EYS: variants seen among roughly 807,000 people sequenced by gnomAD.
The protein encoded by EYS is protein eyes shut homolog.
A neutral mutation model predicts 282.1 loss-of-function variants in EYS; 250 were observed. That is an observed-to-expected ratio of 0.89 (90% confidence interval 0.80 to 0.98). The LOEUF (loss-of-function observed/expected upper bound fraction) is 0.98, where lower values mean the gene tolerates loss of function less well. EYS is among the 50% of genes least tolerant of loss of function. EYS has a pLI of 0.00. For missense variants in EYS, 4,016 were observed against 3,709.0 expected (o/e 1.08, Z -2.15); for synonymous variants, 1,355 against 1,282.9 (o/e 1.06, Z -1.20).
At chr6:65,168,214 A>C (rs2150225717) in intron 12 of EYS, among the ~76,000 whole-genome samples, 1 of 151,348 alleles carries the variant, frequency 6.6e-6, no homozygotes, top group Non-Finnish European at 1.5e-5. Flanking sequence ...CTTATATAAA[A>C]AGTAAATATT....
At chr6:65,466,188 C>T (rs1044792212) in intron 5 of EYS, among the ~76,000 whole-genome samples, 6 of 151,868 alleles carry the variant, frequency 4.0e-5, no homozygotes, top group Non-Finnish European at 8.8e-5. Context: ...AATACCACCA[C>T]TAAAACCAAG....
rs181108975 is a variant in EYS at position 65,198,735 on chromosome 6, G to A, written c.2023+97128C>T. 1.3e-3 allele frequency among the ~76,000 whole-genome samples: 200 copies of A among 152,252 alleles called. 2 individuals carry two copies. Among genetic ancestry groups the A allele is most frequent in the African/African-American group, 4.5e-3 (187 of 41,564 alleles). On this transcript the variant is annotated intron_variant, in intron 12 of 42. Transcript: ENST00000503581. ...GAAAAATGTATTTTCATGGAAGTGAGTAGCAAGAATGACATTTTGGAAAGC... is the reference window on the plus strand; with the variant it reads ...GAAAAATGTATTTTCATGGAAGTGAATAGCAAGAATGACATTTTGGAAAGC...
rs1202933401 is a variant in EYS at position 65,405,449 on chromosome 6, C to A, written c.863-82G>T. ...GAGCATAGATATGTAGCAAAACATT[C>A]TAGAAAATTTCTCTAGAGTTTATGA... On this transcript the variant is annotated intron_variant, in intron 5 of 42. Coordinates refer to ENST00000503581, the MANE Select transcript of EYS (RefSeq NM_001142800.2). 3.6e-6 allele frequency: 4 copies of A among 1,106,518 alleles called. No homozygotes were observed. The East Asian group carries it at 9.4e-5, about 26-fold the overall frequency. The allele number at this position is 1,106,518 out of a possible 1,614,324, so 68.5% of individuals were successfully genotyped here.
At chr6:64,533,849 G>A (rs938949340) in intron 26 of EYS, among the ~76,000 whole-genome samples, 6 of 151,598 alleles carry the variant, frequency 4.0e-5, no homozygotes, top group Admixed American at 6.6e-5. Context: ...ATATGCATAT[G>A]TATTTAACAT....
At chr6:64,045,810 T>C (rs879669267) in intron 33 of EYS, among the ~76,000 whole-genome samples, 12 of 150,356 alleles carry the variant, frequency 8.0e-5, no homozygotes, top group Admixed American at 4.0e-4. Flanking sequence ...TATGTATGTA[T>C]GTGTACATTG....
At chr6:64,667,974 C>T (rs1005118720) in intron 22 of EYS, among the ~76,000 whole-genome samples, 5 of 152,186 alleles carry the variant, frequency 3.3e-5, no homozygotes, top group Admixed American at 1.3e-4. Flanking sequence ...GCTTATGTTA[C>T]CCATCCCAGA....
chr6:63,910,610 G>A (rs2149737546), intron 35 of EYS, among the ~76,000 whole-genome samples: 1 of 152,232 alleles, frequency 6.6e-6, no homozygotes, highest in South Asian at 2.1e-4. Flanking sequence ...TTGGTCTTGT[G>A]TTACTAATTG....
chr6:65,603,984 G>C (rs1230052738), intron 2 of EYS, among the ~76,000 whole-genome samples: 1 of 151,600 alleles, frequency 6.6e-6, no homozygotes, highest in Non-Finnish European at 1.5e-5. Context: ...TGATTTGAAT[G>C]ACTTCTTTTT....
intron 22 of EYS, among the ~76,000 whole-genome samples, chr6:64,635,387 C>T (rs2149865838): frequency 6.6e-6 from 1 of 152,284 alleles, no homozygotes; most frequent in Admixed American, 6.5e-5. Context: ...GAGAGGGCAT[C>T]CCTGTCTTGT....
chr6:64,717,614 G>T (rs1042594287), intron 22 of EYS, among the ~76,000 whole-genome samples: 1 of 152,098 alleles, frequency 6.6e-6, no homozygotes, highest in African/African-American at 2.4e-5. Context: ...GCCACGAACT[G>T]GTACCTAAGA....
At chr6:65,153,280 A>G (rs1460265148) in intron 12 of EYS, among the ~76,000 whole-genome samples, 1 of 151,506 alleles carries the variant, frequency 6.6e-6, no homozygotes, top group Non-Finnish European at 1.5e-5. Context: ...TCCAGTCAAT[A>G]TTTTTATGCA....
intron 36 of EYS, among the ~76,000 whole-genome samples, chr6:63,846,360 G>T (rs1772097754): frequency 6.6e-6 from 1 of 152,064 alleles, no homozygotes; most frequent in African/African-American, 2.4e-5. Flanking sequence ...CCAACAAGCA[G>T]AATTATCAGC....
intron 32 of EYS, among the ~76,000 whole-genome samples, chr6:64,071,512 C>A (rs893033952): frequency 6.6e-6 from 1 of 151,420 alleles, no homozygotes; most frequent in East Asian, 2.0e-4. Flanking sequence ...CCAGTTACTA[C>A]ATAAATTAAT....
chr6:65,703,959 G>A lies in EYS; in HGVS notation c.-448+3176C>T, dbSNP rs556415028. Among the ~76,000 whole-genome samples the A allele has an allele frequency of 3.9e-5, 6 of 152,046 alleles. No individual in the cohort carries two copies. In the South Asian group the frequency reaches 6.2e-4, roughly 16 times the overall value. On this transcript the variant is annotated intron_variant, in intron 1 of 42. Coordinates refer to ENST00000503581, the MANE Select transcript of EYS (RefSeq NM_001142800.2). ...TGTTAAACACAGTATTAACATGTCT[G>A]GAGAACGACTGAGCGAATTGAAAGT... is the stretch of plus-strand genomic sequence containing the variant.
intron 26 of EYS, among the ~76,000 whole-genome samples, chr6:64,538,143 T>C (rs1412472846): frequency 1.3e-5 from 2 of 152,152 alleles, no homozygotes; most frequent in Admixed American, 1.3e-4. Context: ...CAGTAAAAGA[T>C]TAAGATTTTG....
At chr6:64,644,540 A>G (rs547971416) in intron 22 of EYS, among the ~76,000 whole-genome samples, 4 of 152,334 alleles carry the variant, frequency 2.6e-5, no homozygotes, top group African/African-American at 9.6e-5. Context: ...GATATAAACT[A>G]TATTCATAAG....
At chr6:64,664,529 A>T (rs1405972703) in intron 22 of EYS, among the ~76,000 whole-genome samples, 1 of 152,108 alleles carries the variant, frequency 6.6e-6, no homozygotes, top group Admixed American at 6.5e-5. Context: ...GAGTTAAAAA[A>T]CACTGCAGTG....
intron 14 of EYS, among the ~76,000 whole-genome samples, chr6:64,980,621 G>A (rs1770628207): frequency 6.6e-6 from 1 of 151,324 alleles, no homozygotes; most frequent in African/African-American, 2.4e-5. Flanking sequence ...TCATATTGAA[G>A]AATGATGTAG....
At position 64,345,053 on chromosome 6, in the gene EYS, T is replaced by C. The variant is rs562036332; in HGVS notation, c.6079-37971A>G. On this transcript the variant is annotated intron_variant, in intron 29 of 42. Coordinates refer to ENST00000503581, the MANE Select transcript of EYS (RefSeq NM_001142800.2). The stretch of plus-strand genomic sequence containing the variant: ...CGCTGCTCAATGAAATCAAAGAGGA[T>C]ACAAACAAATGGAAGAACATTCCAT... Among the ~76,000 whole-genome samples, 23 of 152,052 alleles carry C rather than the reference T, an allele frequency of 1.5e-4. No individual in the cohort carries two copies. In the South Asian group the frequency reaches 4.8e-3, roughly 32 times the overall value.
Sources: gnomAD v4.1 joint callset for allele counts (sites outside exome capture counted in the v4.1 genomes callset) on GRCh38, gnomAD v4.1.1 for gene constraint, MANE v1.5 for transcripts, NCBI Gene and HGNC (gene_info 2026-07-23, HGNC 2026-07-21) for gene names.